The following TENT4A variants were observed in gnomAD, a reference collection of about 807,000 sequenced individuals.
The protein encoded by TENT4A is DNA polymerase kappa.
In TENT4A, 7 loss-of-function variants were observed where a neutral mutation model predicts 72.8. The ratio of observed to expected loss-of-function variants is 0.10; its 90% confidence interval spans 0.05 to 0.18. The LOEUF (loss-of-function observed/expected upper bound fraction) is 0.18. Ranked by LOEUF, TENT4A falls within the 10% of genes least tolerant of loss-of-function variation. TENT4A has a pLI of 1.00. For synonymous variants in TENT4A, 456 were observed against 434.3 expected, an observed-to-expected ratio of 1.05 and a Z score of -0.62; for missense variants, 831 against 1,017.7, an observed-to-expected ratio of 0.82 and a Z score of 2.50.
Position 6,738,601 on chromosome 5 carries a change from G to A in TENT4A, c.841-82G>A, listed in dbSNP as rs553469560. 9 of 1,007,828 alleles carry A rather than the reference G, an allele frequency of 8.9e-6. No individual in the cohort carries two copies. The South Asian group carries it at 1.1e-4, about 13-fold the overall frequency. 62.4% of individuals were successfully genotyped at this position (1,007,828 alleles called of 1,614,324 possible). On this transcript the variant is annotated intron_variant, in intron 2 of 12. Coordinates refer to ENST00000230859, the MANE Select transcript of TENT4A (RefSeq NM_006999.6). ...ATTTTTTACCCAAGGGTATAGTGAG[G>A]GCTTTCTTTTAGTAAGAAATAATGG...
At chr5:6,746,522 A>G in intron 7 of TENT4A, 95 bp downstream of exon 7, 1 of 1,093,338 alleles carries the variant, frequency 9.1e-7, no homozygotes, top group Admixed American at 2.3e-5. Context: ...AGCCCCGGGC[A>G]GTTCATTTGC....
At chr5:6,754,723 C>T in intron 12 of TENT4A, 28 bp from the exon 13 acceptor site, 2 of 1,540,552 alleles carry the variant, frequency 1.3e-6, no homozygotes, top group Non-Finnish European at 1.8e-6. Context: ...TGTCTGGCTC[C>T]AACACTGCTG....
rs547393362 is a variant in TENT4A at position 6,728,558 on chromosome 5, A to T, written c.717-8952A>T. Among the ~76,000 whole-genome samples the T allele has an allele frequency of 4.7e-3, 714 of 152,292 alleles. 3 individuals are homozygous for T. Among genetic ancestry groups the T allele is most frequent in the South Asian group, 0.014 (67 of 4,824 alleles). On this transcript the variant is annotated intron_variant, in intron 1 of 12. Coordinates refer to ENST00000230859, the MANE Select transcript of TENT4A (RefSeq NM_006999.6). ...GTACTGCTGCAGTCTAGGGTATGGG[A>T]TAACTTTCTAAACCAGACCCAGAAC...
At chr5:6,717,052 G>A (rs1740422862) in intron 1 of TENT4A, among the ~76,000 whole-genome samples, 1 of 152,240 alleles carries the variant, frequency 6.6e-6, no homozygotes, top group South Asian at 2.1e-4. Flanking sequence ...CTGTGGTAGA[G>A]TTGGGCCTGT....
chr5:6,721,775 TG>T (rs1162039390), intron 1 of TENT4A, among the ~76,000 whole-genome samples: 1 of 152,240 alleles, frequency 6.6e-6, no homozygotes, highest in African/African-American at 2.4e-5. Flanking sequence ...ATCAACAACA[TG>T]CCTTTTTGTT....
At position 6,714,502 on chromosome 5, in the gene TENT4A, G is replaced by T. The variant is rs1401334959; in HGVS notation, c.519G>T (p.Ala173=). The change falls in exon 1 of 13, where the codon GCG becomes GCT. Residue 173 remains alanine, a synonymous_variant. Transcript: ENST00000230859. ...GGCACCCCGGGCCGCGCGGCCCCGC[G>T]CCCGCCGGCTCCCCGTCGCAGCACC... ...ANGHPGPRGP[A]PAGSPSQHQF... is the part of the protein sequence containing the mutation. 5.9e-6 allele frequency: 7 copies of T among 1,186,856 alleles called. No individual in the cohort carries two copies. The highest frequency in any genetic ancestry group is 7.3e-6 in the Non-Finnish European group (7 of 959,124). The allele number at this position is 1,186,856 out of a possible 1,614,324, so 73.5% of individuals were successfully genotyped here. A position where few individuals can be genotyped will look rare whatever the true frequency, so the allele number is the denominator to read the frequency against.
At chr5:6,749,535 C>G (rs371623612) in intron 8 of TENT4A, 22 bp from the exon 9 acceptor site, 138 of 1,521,542 alleles carry the variant, frequency 9.1e-5, no homozygotes, top group Non-Finnish European at 1.2e-4. Flanking sequence ...CTCTGTTGAT[C>G]TCCAACAATG....
At chr5:6,720,442 C>T (rs1740589226) in intron 1 of TENT4A, among the ~76,000 whole-genome samples, 1 of 152,120 alleles carries the variant, frequency 6.6e-6, no homozygotes, top group African/African-American at 2.4e-5. Flanking sequence ...ATTGCCAGTT[C>T]CGTCCTCTGG....
intron 8 of TENT4A, 45 bp downstream of exon 8, chr5:6,748,635 A>G (rs757369788): frequency 2.6e-5 from 42 of 1,585,740 alleles, no homozygotes; most frequent in Non-Finnish European, 3.6e-5. Context: ...TGCCTGTGGG[A>G]TGGTACTTAT....
rs576167986 is a variant in TENT4A, at chr5:6,731,906, A to G, written c.717-5604A>G. ...CCCCACCCAGAGACCTGCGTTATGAAGTGTTTGGTGTGCTTCTTCCAGCCC... is the reference window on the plus strand; with the variant it reads ...CCCCACCCAGAGACCTGCGTTATGAGGTGTTTGGTGTGCTTCTTCCAGCCC... On this transcript the variant is annotated intron_variant, in intron 1 of 12. Transcript: ENST00000230859. 7.9e-5 allele frequency among the ~76,000 whole-genome samples: 12 copies of G among 152,206 alleles called. No individual in the cohort carries two copies. The South Asian group carries it at 2.3e-3, about 29-fold the overall frequency.
intron 1 of TENT4A, among the ~76,000 whole-genome samples, chr5:6,736,426 C>T (rs779661884): frequency 1.3e-5 from 2 of 152,200 alleles, no homozygotes; most frequent in African/African-American, 2.4e-5. Context: ...TTGTCTTCTG[C>T]TGTTTGCCTT....
At chr5:6,735,887 A>G (rs1484318795) in intron 1 of TENT4A, among the ~76,000 whole-genome samples, 1 of 151,330 alleles carries the variant, frequency 6.6e-6, no homozygotes. Context: ...CAGTTTTCTG[A>G]GTAGCTGGGA....
chr5:6,724,824 G>T (rs1321397250), intron 1 of TENT4A, among the ~76,000 whole-genome samples: 1 of 152,158 alleles, frequency 6.6e-6, no homozygotes, highest in Non-Finnish European at 1.5e-5. Context: ...AATCACCACT[G>T]GCCTGACTGA....
intron 1 of TENT4A, among the ~76,000 whole-genome samples, chr5:6,720,739 G>A (rs1398057314): frequency 2.0e-5 from 3 of 151,804 alleles, no homozygotes; most frequent in East Asian, 3.9e-4. Context: ...CAGGAAAGCC[G>A]TGTGAATATA....
At chr5:6,740,457 C>T (rs1263477322) in intron 4 of TENT4A, among the ~76,000 whole-genome samples, 3 of 152,110 alleles carry the variant, frequency 2.0e-5, no homozygotes, top group Non-Finnish European at 2.9e-5. Flanking sequence ...CTCACCTGTG[C>T]GACCGGCTAG....
At chr5:6,716,506 C>G (rs146683590) in intron 1 of TENT4A, among the ~76,000 whole-genome samples, 2 of 152,200 alleles carry the variant, frequency 1.3e-5, no homozygotes, top group African/African-American at 4.8e-5. Flanking sequence ...CTCAAGCAGC[C>G]GGAGGTGCCT....
Position 6,743,824 on chromosome 5 carries a change from C to T in TENT4A, c.1229C>T (p.Ala410Val). ...GISSYSLILM[A>V]ISFLQLHPRI... ...AGCTCATACAGCCTAATTTTAATGGCCATTAGCTTTCTACAGGTATGTATG... is the reference window on the plus strand; with the variant it reads ...AGCTCATACAGCCTAATTTTAATGGTCATTAGCTTTCTACAGGTATGTATG... Residue 410 changes from alanine (A) to valine (V), a missense_variant, in exon 6 of 13, where the codon GCC (alanine) becomes GTC (valine). Around this residue, in one of 3 missense-constraint regions of TENT4A, gnomAD observed 197 missense variants for 399.6 expected, o/e 0.49. Transcript: ENST00000230859. 1 of 1,613,782 alleles carries T rather than the reference C, an allele frequency of 6.2e-7. No individual in the cohort carries two copies. The highest frequency in any genetic ancestry group is 1.1e-5 in the South Asian group (1 of 91,038).
Position 6,713,908 on chromosome 5 carries a change from CGGGCCTCGGGGCGCGGCG to C in TENT4A, c.-72_-55del, listed in dbSNP as rs1561021783. ...GTCCGTCCGTCCGTGCGCGCGCGGCCGGGCCTCGGGGCGCGGCGGGGGCGGGGCCGCGTCGGGGCGGGC... is the reference window on the plus strand; with the variant it reads ...GTCCGTCCGTCCGTGCGCGCGCGGCCGGGGCGGGGCCGCGTCGGGGCGGGC... On this transcript the variant is annotated 5_prime_UTR_variant, in exon 1 of 13. Transcript: ENST00000230859. 5.5e-6 allele frequency: 3 copies of C among 547,722 alleles called. No individual in the cohort carries two copies. The highest frequency in any genetic ancestry group is 4.6e-6 in the Non-Finnish European group (2 of 433,626). The allele number at this position is 547,722 out of a possible 1,614,324, so 33.9% of individuals were successfully genotyped here.
At chr5:6,749,785 T>G in intron 9 of TENT4A, 128 bp downstream of exon 9, 4 of 663,066 alleles carry the variant, frequency 6.0e-6, no homozygotes, top group Non-Finnish European at 1.1e-5. Context: ...GAGCATTAAT[T>G]AAGAAGACAA....
Sources: allele counts gnomAD v4.1 joint callset (sites outside exome capture counted in the v4.1 genomes callset), GRCh38; gene constraint gnomAD v4.1.1; regional missense constraint gnomAD v4.1.1; transcripts MANE v1.5; gene names NCBI Gene and HGNC (gene_info 2026-07-23, HGNC 2026-07-21).